The following EFCAB14 variants were observed in gnomAD, a reference collection of about 807,000 sequenced individuals.
The protein encoded by EFCAB14 is EF-hand calcium-binding domain-containing protein 14.
EFCAB14 carries 43 observed loss-of-function variants against 56.5 expected under a neutral mutation model. That is an observed-to-expected ratio of 0.76 (90% confidence interval 0.60 to 0.98). EFCAB14 has a LOEUF of 0.98. Among genes scored for constraint, EFCAB14 ranks in the 50% least tolerant of loss-of-function variants. The probability of loss-of-function intolerance (pLI) is 0.00; values close to 1 mark genes in which losing one functional copy is unlikely to be tolerated. For missense variants in EFCAB14, 538 were observed against 580.3 expected, an observed-to-expected ratio of 0.93 and a Z score of 0.75; for synonymous variants, 235 against 212.9, an observed-to-expected ratio of 1.10 and a Z score of -0.90.
chr1:46,717,419 T>C (rs549213205), intron 1 of EFCAB14, among the ~76,000 whole-genome samples: 1 of 152,230 alleles, frequency 6.6e-6, no homozygotes, highest in Non-Finnish European at 1.5e-5. Flanking sequence ...GCCTCTTCTT[T>C]TGCCCCCCGA....
At position 46,701,325 on chromosome 1, in the gene EFCAB14, A is replaced by G. The variant is rs534927585; in HGVS notation, c.481-4676T>C. Among the ~76,000 whole-genome samples, 17 of 152,282 alleles carry G rather than the reference A, an allele frequency of 1.1e-4. No homozygotes were observed. In the East Asian group the frequency reaches 3.1e-3, roughly 28 times the overall value. On this transcript the variant is annotated intron_variant, in intron 3 of 10. Transcript: ENST00000371933. ...CCAGGTATGTTTTCCTTAGTGCCCC[A>G]AAGTATGTACACAGTTGGTTCAAGA...
chr1:46,713,582 A>T (rs891694872), intron 2 of EFCAB14, among the ~76,000 whole-genome samples: 1 of 152,204 alleles, frequency 6.6e-6, no homozygotes, highest in Non-Finnish European at 1.5e-5. Flanking sequence ...GCTATAAATT[A>T]CATAAGTATC....
At position 46,677,144 on chromosome 1, in the gene EFCAB14, T is replaced by G. The variant is rs1676708384; in HGVS notation, c.*1317A>C. On this transcript the variant is annotated 3_prime_UTR_variant, in exon 11 of 11. Coordinates refer to ENST00000371933, the MANE Select transcript of EFCAB14 (RefSeq NM_014774.3). ...GACATGGAGGTATTATTCCTTTCAA[T>G]CTAGGGATCTTTCATGCCAGGTCCA... is the stretch of plus-strand genomic sequence containing the variant. The G allele has an allele frequency of 6.6e-6, 1 of 152,622 alleles. No homozygotes were observed. Among genetic ancestry groups the G allele is most frequent in the Non-Finnish European group, 1.5e-5 (1 of 68,028 alleles). The allele number at this position is 152,622 out of a possible 1,614,324, so 9.5% of individuals were successfully genotyped here.
Position 46,676,315 on chromosome 1 carries a change from G to T in EFCAB14, c.*2146C>A. ...GTGATACTAGTCAGACAAGCACAAG[G>T]TAGGAAGAACAGAAGATAAACCAAA... On this transcript the variant is annotated 3_prime_UTR_variant, in exon 11 of 11. Coordinates refer to ENST00000371933, the MANE Select transcript of EFCAB14 (RefSeq NM_014774.3). 1 of 152,324 alleles carries T rather than the reference G, an allele frequency of 6.6e-6. No homozygotes were observed. The allele number at this position is 152,324 out of a possible 1,614,324, so 9.4% of individuals were successfully genotyped here.
intron 3 of EFCAB14, among the ~76,000 whole-genome samples, chr1:46,706,096 G>T (rs1456739964): frequency 6.6e-6 from 1 of 152,056 alleles, no homozygotes; most frequent in Non-Finnish European, 1.5e-5. Context: ...GGAACTCCTT[G>T]GATCAAGTGA....
At chr1:46,689,758 T>G in intron 5 of EFCAB14, 67 bp from the exon 6 acceptor site, 1 of 1,392,960 alleles carries the variant, frequency 7.2e-7, no homozygotes, top group Non-Finnish European at 1.0e-6. Context: ...CTATCTGAGA[T>G]TGTCCTAGAA....
Position 46,700,986 on chromosome 1 carries a change from AGT to A in EFCAB14, c.481-4339_481-4338del, listed in dbSNP as rs3991763. ...GAGAGAGAGAGAGAGAGAGTGAGTG[AGT>A]GTGTGTGTGTGTGTGTGTGTGTGCA... On this transcript the variant is annotated intron_variant, in intron 3 of 10. Transcript: ENST00000371933. Among the ~76,000 whole-genome samples the A allele has an allele frequency of 9.1e-5, 13 of 142,938 alleles. No individual in the cohort carries two copies. In the East Asian group the frequency reaches 1.2e-3, roughly 14 times the overall value. The allele number at this position is 142,938 out of a possible 152,430, so 93.8% of individuals were successfully genotyped here. A position where few individuals can be genotyped will look rare whatever the true frequency, so the allele number is the denominator to read the frequency against.
At chr1:46,696,207 G>A (rs561179858) in intron 4 of EFCAB14, among the ~76,000 whole-genome samples, 2 of 151,698 alleles carry the variant, frequency 1.3e-5, no homozygotes, top group African/African-American at 4.8e-5. Context: ...TATTGTGAGT[G>A]GTGAACTGAA....
intron 2 of EFCAB14, among the ~76,000 whole-genome samples, chr1:46,709,585 G>A (rs1677278651): frequency 6.6e-6 from 1 of 152,194 alleles, no homozygotes; most frequent in Non-Finnish European, 1.5e-5. Flanking sequence ...CCAGCAGCCA[G>A]CACAGAGCCA....
At chr1:46,694,398 C>A (rs1402082636) in intron 4 of EFCAB14, among the ~76,000 whole-genome samples, 1 of 152,100 alleles carries the variant, frequency 6.6e-6, no homozygotes, top group African/African-American at 2.4e-5. Context: ...ATCAAACAAC[C>A]CCATCAAAAA....
At chr1:46,683,277 T>C in intron 10 of EFCAB14, 23 bp downstream of exon 10, 1 of 1,606,028 alleles carries the variant, frequency 6.2e-7, no homozygotes. Context: ...TTCCCATTAC[T>C]ACCCCGTGGT....
intron 10 of EFCAB14, chr1:46,682,078 T>C (rs769751135): frequency 1.1e-4 from 17 of 152,220 alleles, no homozygotes; most frequent in Non-Finnish European, 2.2e-4. Context: ...AACTCATTCA[T>C]TTATTTAACA....
At chr1:46,705,596 G>A (rs978678536) in intron 3 of EFCAB14, among the ~76,000 whole-genome samples, 2 of 152,142 alleles carry the variant, frequency 1.3e-5, no homozygotes, top group Non-Finnish European at 2.9e-5. Flanking sequence ...GAGTGTGAGC[G>A]TGTGTATGAG....
chr1:46,678,495 G>A lies in EFCAB14; in HGVS notation c.1454C>T (p.Ser485Leu), dbSNP rs1676732108. Reference protein sequence around the residue: ...AFDSDGDGRYSFLELRVALGI With the variant: ...AFDSDGDGRYLFLELRVALGI ...TAAAGCTACCCTTAGCTCCAGGAAT[G>A]AGTATCTTCCATCTCCATCGGAATC... The change falls in exon 11 of 11, where the codon TCA (serine) becomes TTA (leucine). Residue 485 changes from serine (S) to leucine (L), a missense_variant. Physicochemically the swap from Ser to Leu is moderately radical, Grantham distance 145. Transcript: ENST00000371933. 1.2e-6 allele frequency: 2 copies of A among 1,614,138 alleles called. No homozygotes were observed. Among genetic ancestry groups the A allele is most frequent in the Non-Finnish European group, 1.7e-6 (2 of 1,180,026 alleles).
intron 2 of EFCAB14, among the ~76,000 whole-genome samples, chr1:46,710,652 C>T (rs1677294817): frequency 6.6e-6 from 1 of 152,202 alleles, no homozygotes; most frequent in Non-Finnish European, 1.5e-5. Flanking sequence ...CTCCTGGGCT[C>T]AGGCGATCCT....
At chr1:46,715,408 A>G (rs559765943) in intron 2 of EFCAB14, among the ~76,000 whole-genome samples, 1 of 151,898 alleles carries the variant, frequency 6.6e-6, no homozygotes, top group African/African-American at 2.4e-5. Context: ...TAATAAAAAT[A>G]ATACCCATCT....
chr1:46,693,797 C>T lies in EFCAB14; in HGVS notation c.580-1860G>A, dbSNP rs566140552. Among the ~76,000 whole-genome samples, 167 of 152,188 alleles carry T rather than the reference C, an allele frequency of 1.1e-3. 1 individual carries two copies. Among genetic ancestry groups the T allele is most frequent in the African/African-American group, 3.8e-3 (157 of 41,530 alleles). ...CCCATCAACAGCAAAGTGCCTGGTA[C>T]ATACTGGAGGAAGTTCCACAAATGT... On this transcript the variant is annotated intron_variant, in intron 4 of 10. Transcript: ENST00000371933.
At position 46,678,427 on chromosome 1, in the gene EFCAB14, T is replaced by C; in HGVS notation, c.*34A>G. The C allele has an allele frequency of 6.2e-7, 1 of 1,611,520 alleles. No individual in the cohort carries two copies. The highest frequency in any genetic ancestry group is 8.5e-7 in the Non-Finnish European group (1 of 1,178,812). ...GTTTTGTTGTTAGGTAAATAGATAT[T>C]AGGCAGTCCATTTCTAAAATATGCC... On this transcript the variant is annotated 3_prime_UTR_variant, in exon 11 of 11. Transcript: ENST00000371933.
intron 3 of EFCAB14, among the ~76,000 whole-genome samples, chr1:46,701,386 A>G (rs911718352): frequency 1.6e-5 from 2 of 126,244 alleles, no homozygotes; most frequent in Admixed American, 1.7e-4. Context: ...TATTCCTAAT[A>G]CTCTTATCAA....
Sources: gnomAD v4.1 joint callset for allele counts (sites outside exome capture counted in the v4.1 genomes callset) on GRCh38, gnomAD v4.1.1 for gene constraint, MANE v1.5 for transcripts, NCBI Gene and HGNC (gene_info 2026-07-23, HGNC 2026-07-21) for gene names.